Variants in ZFR observed in about 807,000 individuals in gnomAD.
The protein encoded by ZFR is zinc finger RNA binding protein.
A neutral mutation model predicts 130.7 loss-of-function variants in ZFR; 19 were observed. The observed-to-expected ratio is 0.15, with a 90% CI of 0.10 to 0.21. ZFR has a LOEUF of 0.21. Ranked by LOEUF, ZFR falls within the 10% of genes least tolerant of loss-of-function variation. The pLI is 1.00. For missense variants in ZFR, 872 were observed against 1,321.5 expected (o/e 0.66, Z 5.27); for synonymous variants, 466 against 456.9 (o/e 1.02, Z -0.25).
chr5:32,420,043 G>A lies in ZFR; in HGVS notation c.198C>T (p.Val66=). The change falls in exon 3 of 20, where the codon GTC becomes GTT. Residue 66 remains valine, a synonymous_variant. Transcript: ENST00000265069. ...SHPTTVASYT[V]HQAPVAAHTV... is the part of the protein sequence containing the mutation. ...TGTGAGCAGCTACTGGAGCCTGATG[G>A]ACAGTGTAGCTAGCAACTGTAGTTG... 7 of 1,613,418 alleles carry A rather than the reference G, an allele frequency of 4.3e-6. No individual in the cohort carries two copies. Among genetic ancestry groups the A allele is most frequent in the Non-Finnish European group, 5.1e-6 (6 of 1,179,898 alleles).
intron 6 of ZFR, 134 bp from the exon 7 acceptor site, chr5:32,404,231 T>C (rs1450516955): frequency 5.9e-6 from 4 of 682,866 alleles, no homozygotes; most frequent in African/African-American, 3.6e-5. Flanking sequence ...AAAAAGGGCA[T>C]GTGGCATTCG....
chr5:32,356,157 TA>T (rs375259767), intron 19 of ZFR, among the ~76,000 whole-genome samples: 2,969 of 146,994 alleles, frequency 0.02, 49 homozygotes, highest in Admixed American at 0.043. Flanking sequence ...AAACATTAAG[TA>T]AAAAAAAAAC....
At chr5:32,399,971 C>A in intron 9 of ZFR, 36 bp downstream of exon 9, 1 of 1,549,210 alleles carries the variant, frequency 6.5e-7, no homozygotes, top group Non-Finnish European at 8.7e-7. Flanking sequence ...TTCCCTTTAT[C>A]CAATTTCACA....
chr5:32,364,087 C>T, intron 18 of ZFR, 42 bp from the exon 19 acceptor site: 3 of 1,599,472 alleles, frequency 1.9e-6, no homozygotes, highest in Non-Finnish European at 2.6e-6. Flanking sequence ...TTAGCATTGT[C>T]CACTTATAAA....
At chr5:32,414,204 G>A (rs1043718501) in intron 5 of ZFR, among the ~76,000 whole-genome samples, 1 of 152,066 alleles carries the variant, frequency 6.6e-6, no homozygotes, top group African/African-American at 2.4e-5. Context: ...CAAACACTCC[G>A]TGCATTCCTA....
At chr5:32,374,160 T>G (rs1752742663) in intron 17 of ZFR, among the ~76,000 whole-genome samples, 1 of 152,168 alleles carries the variant, frequency 6.6e-6, no homozygotes, top group African/African-American at 2.4e-5. Context: ...GACCAAAGTT[T>G]AAGAAAGCAG....
chr5:32,440,021 A>G (rs908109295), intron 2 of ZFR, among the ~76,000 whole-genome samples: 1 of 152,208 alleles, frequency 6.6e-6, no homozygotes, highest in Non-Finnish European at 1.5e-5. Flanking sequence ...TGAAACTATT[A>G]GGAAGTTTTT....
intron 2 of ZFR, among the ~76,000 whole-genome samples, chr5:32,427,675 T>C (rs954307817): frequency 1.3e-5 from 2 of 152,094 alleles, no homozygotes; most frequent in Admixed American, 6.6e-5. Flanking sequence ...AGATCCCTAA[T>C]AGCAAAACAA....
rs1325549579 is a variant in ZFR, at chr5:32,400,262, A to G, written c.1517-59T>C. The G allele has an allele frequency of 4.0e-6, 5 of 1,251,956 alleles. No homozygotes were observed. In the South Asian group the frequency reaches 6.4e-5, roughly 16 times the overall value. The allele number at this position is 1,251,956 out of a possible 1,614,324, so 77.6% of individuals were successfully genotyped here. A position where few individuals can be genotyped will look rare whatever the true frequency, so the allele number is the denominator to read the frequency against. On this transcript the variant is annotated intron_variant, in intron 8 of 19. Coordinates refer to ENST00000265069, the MANE Select transcript of ZFR (RefSeq NM_016107.5). ...ATTTTTGTATAAATATATATACCTG[A>G]TAAGACGAAAACTTCAGATAAAGTT...
intron 9 of ZFR, among the ~76,000 whole-genome samples, chr5:32,398,161 C>T (rs1430267353): frequency 6.6e-6 from 1 of 151,902 alleles, no homozygotes. Context: ...TGGCCACTAT[C>T]TTTCAATTTA....
rs899422814 is a variant in ZFR, at chr5:32,357,500, C to T, written c.3046-1561G>A. On this transcript the variant is annotated intron_variant, in intron 19 of 19. Transcript: ENST00000265069. ...AGGCTGGTCTTGAACTCCTGACCTC[C>T]GGAGATCTGCCTGCCTTGGCCTCCC... Among the ~76,000 whole-genome samples the T allele has an allele frequency of 3.9e-5, 6 of 152,062 alleles. No individual in the cohort carries two copies. The South Asian group carries it at 8.3e-4, about 21-fold the overall frequency.
At chr5:32,384,516 T>C (rs1752994540) in intron 15 of ZFR, among the ~76,000 whole-genome samples, 1 of 152,178 alleles carries the variant, frequency 6.6e-6, no homozygotes, top group Admixed American at 6.5e-5. Flanking sequence ...AAAGAAACAG[T>C]AATTGAGAGA....
chr5:32,370,351 GAGAC>G (rs1378768011), intron 17 of ZFR, among the ~76,000 whole-genome samples: 114 of 1,636 alleles, frequency 0.07, 3 homozygotes, highest in African/African-American at 0.26. Context: ...GAGAGAGAGA[GAGAC>G]AGACAGACAG....
chr5:32,439,404 A>G, intron 2 of ZFR, among the ~76,000 whole-genome samples: 1 of 152,192 alleles, frequency 6.6e-6, no homozygotes, highest in Non-Finnish European at 1.5e-5. Context: ...TTTCAAATAA[A>G]AAGTAAAAAA....
At chr5:32,432,411 T>C (rs1196346361) in intron 2 of ZFR, among the ~76,000 whole-genome samples, 4 of 152,204 alleles carry the variant, frequency 2.6e-5, no homozygotes, top group African/African-American at 4.8e-5. Context: ...GTCAGTGATG[T>C]TGAGCGTCTT....
chr5:32,441,689 C>T (rs1307984811), intron 2 of ZFR, among the ~76,000 whole-genome samples: 2 of 152,208 alleles, frequency 1.3e-5, no homozygotes, highest in Admixed American at 6.5e-5. Flanking sequence ...ATCACCACCA[C>T]ACTTTTTGCA....
At chr5:32,432,874 G>A (rs1174604171) in intron 2 of ZFR, among the ~76,000 whole-genome samples, 2 of 150,500 alleles carry the variant, frequency 1.3e-5, no homozygotes, top group East Asian at 3.9e-4. Flanking sequence ...GACCACAGGT[G>A]TACTCCACCA....
intron 10 of ZFR, among the ~76,000 whole-genome samples, chr5:32,396,039 T>C (rs1433065991): frequency 6.6e-6 from 1 of 151,880 alleles, no homozygotes; most frequent in African/African-American, 2.4e-5. Flanking sequence ...CCGGCCAACA[T>C]GGTGAAACGT....
chr5:32,434,526 A>G (rs1371715090), intron 2 of ZFR, among the ~76,000 whole-genome samples: 1 of 152,234 alleles, frequency 6.6e-6, no homozygotes, highest in African/African-American at 2.4e-5. Flanking sequence ...TTTTTGAAAG[A>G]AGATATGATA....
Sources: allele counts gnomAD v4.1 joint callset (sites outside exome capture counted in the v4.1 genomes callset), GRCh38; gene constraint gnomAD v4.1.1; transcripts MANE v1.5; gene names NCBI Gene and HGNC (gene_info 2026-07-23, HGNC 2026-07-21).